CELSR1: variants seen among roughly 807,000 people sequenced by gnomAD.
The protein encoded by CELSR1 is cadherin EGF LAG seven-pass G-type receptor 1, also known as adhesion G protein-coupled receptor C1.
Under a neutral mutation model 249.1 loss-of-function variants are expected in CELSR1, and 110 were observed. The ratio of observed to expected loss-of-function variants is 0.44; its 90% CI spans 0.38 to 0.52. The LOEUF (loss-of-function observed/expected upper bound fraction) is 0.52, where lower values mean the gene tolerates loss of function less well. CELSR1 is among the 20% of genes least tolerant of loss of function. The pLI is 0.00. For missense variants in CELSR1, 4,109 were observed against 4,296.4 expected (o/e 0.96, Z 1.22); for synonymous variants, 2,113 against 1,900.0 (o/e 1.11, Z -2.92).
chr22:46,366,627 A>G, intron 29 of CELSR1, 147 bp from the exon 30 acceptor site: 1 of 707,388 alleles, frequency 1.4e-6, no homozygotes, highest in Non-Finnish European at 2.5e-6. Context: ...GGCCCCAAGC[A>G]GTCAACCCTC....
At chr22:46,397,882 GC>G in intron 11 of CELSR1, 34 bp from the exon 12 acceptor site, 1 of 1,483,120 alleles carries the variant, frequency 6.7e-7, no homozygotes, top group South Asian at 1.4e-5. Flanking sequence ...GGCTACAGGA[GC>G]CCGGAAAGGT....
intron 5 of CELSR1, among the ~76,000 whole-genome samples, chr22:46,421,712 C>T (rs904125951): frequency 3.9e-5 from 6 of 152,268 alleles, no homozygotes; most frequent in Admixed American, 3.9e-4. Context: ...GAGGCAGGAA[C>T]ATCCTGAGTC....
At chr22:46,435,693 A>G (rs117310355) in intron 4 of CELSR1, among the ~76,000 whole-genome samples, 4,895 of 152,176 alleles carry the variant, frequency 0.032, 123 homozygotes, top group Non-Finnish European at 0.05. Context: ...CACTGTTATG[A>G]ACATCTTTTT....
chr22:46,364,733 T>C lies in CELSR1; in HGVS notation c.8558A>G (p.Asp2853Gly). 6.2e-7 allele frequency: 1 copy of C among 1,611,432 alleles called. No individual in the cohort carries two copies. Among genetic ancestry groups the C allele is most frequent in the Admixed American group, 1.7e-5 (1 of 59,942 alleles). Residue 2853 changes from aspartate to glycine, a missense_variant, in exon 33 of 35, where the codon GAC becomes GGC. Asp to Gly is a moderately conservative substitution (Grantham distance 94). This residue lies in a region of CELSR1 where 1,805 missense variants were observed against 1,831.6 expected (regional missense o/e 0.99). Transcript: ENST00000674500. ...GGCCGGAACGTGGTTGGCCACAGCG[T>C]CCCCTGAGGCACGAGAGCGGTGCTC... Reference protein sequence around the residue: ...RGAVHSTPKGDAVANHVPAGW... With the variant: ...RGAVHSTPKGGAVANHVPAGW...
rs2079633813 is a variant in CELSR1 at position 46,434,410 on chromosome 22, G to A, written c.4523-929C>T. On this transcript the variant is annotated intron_variant, in intron 4 of 34. Transcript: ENST00000674500. The surrounding 1 kb of genome is among the most constrained non-coding windows in gnomAD (Gnocchi z 4.9). ...TACCAGGTCCCGGGCAGAGAATACC[G>A]TCTCCAGGGAACCAGCAGGAGTTCT... Among the ~76,000 whole-genome samples the A allele has an allele frequency of 6.6e-6, 1 of 152,190 alleles. No individual in the cohort carries two copies. The highest frequency in any genetic ancestry group is 2.1e-4 in the South Asian group (1 of 4,826).
rs1028100273 is a variant in CELSR1 at position 46,473,999 on chromosome 22, C to G, written c.3545-9654G>C. On this transcript the variant is annotated intron_variant, in intron 1 of 34. Transcript: ENST00000674500. The surrounding 1 kb of genome is among the most constrained non-coding windows in gnomAD (Gnocchi z 6.6). ...AGCACTTTCAGGGTTGGGTGTGCGG[C>G]GCATGTCAGGATGTCAAGCCACGAG... Among the ~76,000 whole-genome samples, 1 of 152,068 alleles carries G rather than the reference C, an allele frequency of 6.6e-6. No homozygotes were observed. The highest frequency in any genetic ancestry group is 1.5e-5 in the Non-Finnish European group (1 of 68,010).
At chr22:46,494,887 C>G (rs1328327312) in intron 1 of CELSR1, among the ~76,000 whole-genome samples, 1 of 152,126 alleles carries the variant, frequency 6.6e-6, no homozygotes, top group Admixed American at 6.6e-5. Flanking sequence ...TCTTTTTATA[C>G]TATTGTAGGT....
intron 1 of CELSR1, among the ~76,000 whole-genome samples, chr22:46,496,883 C>T (rs1178484994): frequency 6.6e-6 from 1 of 151,758 alleles, no homozygotes; most frequent in Non-Finnish European, 1.5e-5. Context: ...AGAAGGAGTA[C>T]ACACTGAAAT....
intron 17 of CELSR1, among the ~76,000 whole-genome samples, chr22:46,389,957 A>G (rs912173136): frequency 2.6e-5 from 4 of 152,258 alleles, no homozygotes; most frequent in African/African-American, 9.6e-5. Context: ...ATCTCCAAAA[A>G]AAGAAACAAA....
chr22:46,366,685 C>T (rs960899589), intron 29 of CELSR1, among the ~76,000 whole-genome samples: 40 of 152,144 alleles, frequency 2.6e-4, no homozygotes, highest in African/African-American at 8.7e-4. Context: ...CATCCTGGCC[C>T]GCGCTGTGGT....
Position 46,518,846 on chromosome 22 carries a change from A to C in CELSR1, c.3544+14781T>G, listed in dbSNP as rs759771875. On this transcript the variant is annotated intron_variant, in intron 1 of 34. Coordinates refer to ENST00000674500, the MANE Select transcript of CELSR1 (RefSeq NM_001378328.1). The surrounding 1 kb of genome is among the most constrained non-coding windows in gnomAD (Gnocchi z 5.2). ...TCAGGAGTTCGAGACCAGCCTGGCA[A>C]ACCTGGAGAAATCCCGTCTCTACTA... is the stretch of plus-strand genomic sequence containing the variant. 5.3e-5 allele frequency among the ~76,000 whole-genome samples: 8 copies of C among 152,198 alleles called. No homozygotes were observed. Among genetic ancestry groups the C allele is most frequent in the Non-Finnish European group, 1.2e-4 (8 of 68,038 alleles).
In CELSR1 at chr22:46,427,565, A is replaced by G. The variant is rs1226946023; in HGVS notation, c.4611+5828T>C. 2.6e-5 allele frequency among the ~76,000 whole-genome samples: 4 copies of G among 152,240 alleles called. No homozygotes were observed. Among genetic ancestry groups the G allele is most frequent in the East Asian group, 3.9e-4 (2 of 5,166 alleles). Reference sequence around the variant, plus strand: ...AATAAATAAAATACACCCTACAACTATGGCTTTTAAAATCTAGTAACAAGA... The same window carrying G: ...AATAAATAAAATACACCCTACAACTGTGGCTTTTAAAATCTAGTAACAAGA... On this transcript the variant is annotated intron_variant, in intron 5 of 34. Coordinates refer to ENST00000674500, the MANE Select transcript of CELSR1 (RefSeq NM_001378328.1). This position sits in a 1 kb window ranked among gnomAD's most constrained non-coding sequence, Gnocchi z 4.2.
chr22:46,475,745 G>A (rs1049078103), intron 1 of CELSR1, among the ~76,000 whole-genome samples: 1 of 152,158 alleles, frequency 6.6e-6, no homozygotes, highest in African/African-American at 2.4e-5. Context: ...ATTATTTATG[G>A]TAAAATCACA....
rs375599953 is a variant in CELSR1, at chr22:46,380,988, C to A, written c.7089-33G>T. The A allele has an allele frequency of 7.0e-5, 112 of 1,602,516 alleles. No homozygotes were observed. The highest frequency in any genetic ancestry group is 9.2e-5 in the Non-Finnish European group (108 of 1,172,036). On this transcript the variant is annotated intron_variant, in intron 21 of 34. Coordinates refer to ENST00000674500, the MANE Select transcript of CELSR1 (RefSeq NM_001378328.1). The surrounding 1 kb of genome is among the most constrained non-coding windows in gnomAD (Gnocchi z 5.1). ...CAAGAAGCCAGAGCATGGGGACAAA[C>A]ACGGTGAGGAAACATCTGCTTAAAT...
rs966636964 is a variant in CELSR1, at chr22:46,446,884, C to A, written c.4184-7473G>T. Among the ~76,000 whole-genome samples, 2 of 152,052 alleles carry A rather than the reference C, an allele frequency of 1.3e-5. No individual in the cohort carries two copies. Among genetic ancestry groups the A allele is most frequent in the East Asian group, 1.9e-4 (1 of 5,170 alleles). ...TGGGTTCTGGATGAACTGGACCAGC[C>A]GGGGAAGGTCCTGTCCCTGTGTTCC... On this transcript the variant is annotated intron_variant, in intron 2 of 34. Transcript: ENST00000674500. The surrounding 1 kb of genome is among the most constrained non-coding windows in gnomAD (Gnocchi z 5.5).
In CELSR1 at chr22:46,533,826, C is replaced by A; in HGVS notation, c.3345G>T (p.Lys1115Asn). Residue 1115 changes from lysine to asparagine, a missense_variant, in exon 1 of 35, where the codon AAG becomes AAT. By Grantham distance (94) the Lys-to-Asn change is moderately conservative (BLOSUM62 0). Around this residue, in one of 7 missense-constraint regions of CELSR1, gnomAD observed 886 missense variants for 896.5 expected, o/e 0.99. Coordinates refer to ENST00000674500, the MANE Select transcript of CELSR1 (RefSeq NM_001378328.1). ...TCACGCCGGTGGGGAAACTGTTGGA[C>A]TTGTTGGTGACATAGTTGTTGAAGA... ...QILFNNYVTN[K>N]SNSFPTGVIG... is the part of the protein sequence containing the mutation. 6.2e-7 allele frequency: 1 copy of A among 1,613,892 alleles called. No homozygotes were observed. The highest frequency in any genetic ancestry group is 8.5e-7 in the Non-Finnish European group (1 of 1,180,018).
chr22:46,482,075 C>G (rs1359103019), intron 1 of CELSR1, among the ~76,000 whole-genome samples: 1 of 152,330 alleles, frequency 6.6e-6, no homozygotes, highest in Admixed American at 6.5e-5. Flanking sequence ...ACCCGGCTGA[C>G]TTTTATAAAT....
In CELSR1 at chr22:46,517,267, C is replaced by T. The variant is rs906436205; in HGVS notation, c.3544+16360G>A. ...TTTGCTCTGGCAAAAAATGCTGGGC[C>T]GATGACCCGCAGGAAAAACAGGAGG... On this transcript the variant is annotated intron_variant, in intron 1 of 34. Transcript: ENST00000674500. The surrounding 1 kb of genome is among the most constrained non-coding windows in gnomAD (Gnocchi z 5.4). 5.3e-5 allele frequency among the ~76,000 whole-genome samples: 8 copies of T among 152,350 alleles called. No homozygotes were observed. The highest frequency in any genetic ancestry group is 4.1e-4 in the South Asian group (2 of 4,828).
rs111566297 is a variant in CELSR1 at position 46,376,855 on chromosome 22, G to C, written c.7584+206C>G. Reference sequence around the variant, plus strand: ...AGAAAGGGCCCCCCATCTCCCAATAGAGTCAAAGTGCTTGGGCCTGCCAGT... The same window carrying C: ...AGAAAGGGCCCCCCATCTCCCAATACAGTCAAAGTGCTTGGGCCTGCCAGT... On this transcript the variant is annotated intron_variant, in intron 24 of 34. Coordinates refer to ENST00000674500, the MANE Select transcript of CELSR1 (RefSeq NM_001378328.1). Among the ~76,000 whole-genome samples, 809 of 151,638 alleles carry C rather than the reference G, an allele frequency of 5.3e-3. 12 individuals are homozygous for C. The highest frequency in any genetic ancestry group is 0.019 in the African/African-American group (777 of 41,322).
Sources: gnomAD v4.1 joint callset for allele counts (sites outside exome capture counted in the v4.1 genomes callset) on GRCh38, gnomAD v4.1.1 for gene constraint, gnomAD v4.1.1 regional missense constraint, Gnocchi (gnomAD v3.1) non-coding constraint, MANE v1.5 for transcripts, NCBI Gene and HGNC (gene_info 2026-07-23, HGNC 2026-07-21) for gene names.